The following PDE11A variants were observed in gnomAD, a reference collection of about 807,000 sequenced individuals.
PDE11A encodes the protein phosphodiesterase 11A.
Under a neutral mutation model 100.5 loss-of-function variants are expected in PDE11A, and 100 were observed. The ratio of observed to expected loss-of-function variants is 1.00; its 90% CI spans 0.85 to 1.18. PDE11A has a LOEUF of 1.18. PDE11A is among the 50% of genes most tolerant of loss of function. PDE11A has a pLI of 0.00. For missense variants in PDE11A, 1,141 were observed against 1,152.6 expected (o/e 0.99, Z 0.15); for synonymous variants, 381 against 420.8 (o/e 0.91, Z 1.16).
chr2:177,766,265 G>T (rs2082237379), intron 10 of PDE11A, among the ~76,000 whole-genome samples: 1 of 152,236 alleles, frequency 6.6e-6, no homozygotes, highest in East Asian at 1.9e-4. Flanking sequence ...TTCACAATAG[G>T]GTTTGCACTC....
At chr2:177,869,178 C>T (rs1016281607) in intron 5 of PDE11A, among the ~76,000 whole-genome samples, 2 of 152,232 alleles carry the variant, frequency 1.3e-5, no homozygotes. Flanking sequence ...TAACAAATTA[C>T]TATACATATA....
At chr2:177,661,069 G>A (rs1469255423) in intron 19 of PDE11A, among the ~76,000 whole-genome samples, 3 of 152,176 alleles carry the variant, frequency 2.0e-5, no homozygotes, top group African/African-American at 4.8e-5. Context: ...CTCTCTCTAT[G>A]AGAGTGCTTG....
intron 10 of PDE11A, among the ~76,000 whole-genome samples, chr2:177,743,273 T>C (rs923324038): frequency 5.6e-4 from 86 of 152,342 alleles, no homozygotes; most frequent in African/African-American, 2.0e-3. Context: ...CACTAATTGT[T>C]AGCACCACAC....
At chr2:177,967,841 T>C (rs1179414850) in intron 2 of PDE11A, among the ~76,000 whole-genome samples, 1 of 152,204 alleles carries the variant, frequency 6.6e-6, no homozygotes, top group African/African-American at 2.4e-5. Context: ...TTGTGGAAGC[T>C]AGGTACTGTT....
Position 177,725,667 on chromosome 2 carries a change from G to A in PDE11A, c.2043+1991C>T, listed in dbSNP as rs144445024. Among the ~76,000 whole-genome samples, 182 of 152,242 alleles carry A rather than the reference G, an allele frequency of 1.2e-3. 1 individual carries two copies. Among genetic ancestry groups the A allele is most frequent in the African/African-American group, 4.2e-3 (173 of 41,556 alleles). On this transcript the variant is annotated intron_variant, in intron 12 of 19. Transcript: ENST00000286063. ...ACGATATGAGCATCCCCATTGTGGT[G>A]ACATAGTTTAAGAATTCTATTCTCT...
chr2:177,686,403 G>GA (rs1251570549), intron 15 of PDE11A, among the ~76,000 whole-genome samples: 4 of 152,014 alleles, frequency 2.6e-5, no homozygotes, highest in African/African-American at 4.8e-5. Context: ...TCCGTCTCTA[G>GA]AAAAAATACA....
chr2:177,969,964 C>T (rs1431869972), intron 2 of PDE11A, among the ~76,000 whole-genome samples: 1 of 151,980 alleles, frequency 6.6e-6, no homozygotes, highest in African/African-American at 2.4e-5. Context: ...TAATTCTATC[C>T]AAGAAACATT....
chr2:177,748,382 T>A (rs2081982582), intron 10 of PDE11A, among the ~76,000 whole-genome samples: 1 of 152,212 alleles, frequency 6.6e-6, no homozygotes, highest in South Asian at 2.1e-4. Flanking sequence ...TAAATTTATC[T>A]TCTGAAAATG....
At chr2:177,872,103 C>T (rs1258327005) in intron 5 of PDE11A, among the ~76,000 whole-genome samples, 1 of 152,160 alleles carries the variant, frequency 6.6e-6, no homozygotes, top group African/African-American at 2.4e-5. Context: ...TCCTTGAGGA[C>T]AGAGACTGCT....
intron 5 of PDE11A, among the ~76,000 whole-genome samples, chr2:177,857,033 GA>G (rs1017516460): frequency 6.6e-5 from 10 of 151,772 alleles, no homozygotes; most frequent in African/African-American, 1.7e-4. Flanking sequence ...ACAATGACAA[GA>G]AAAAATCTTG....
At chr2:177,649,194 CAG>C (rs2080270845) in intron 19 of PDE11A, among the ~76,000 whole-genome samples, 1 of 152,078 alleles carries the variant, frequency 6.6e-6, no homozygotes, top group Admixed American at 6.5e-5. Context: ...TCAAACTCCA[CAG>C]AGAGAAATTT....
chr2:177,812,112 C>G (rs906713826), intron 9 of PDE11A, among the ~76,000 whole-genome samples: 5 of 152,198 alleles, frequency 3.3e-5, no homozygotes, highest in Non-Finnish European at 5.9e-5. Flanking sequence ...AACACTCTTT[C>G]TAAACACTTT....
intron 2 of PDE11A, among the ~76,000 whole-genome samples, chr2:178,084,440 T>C (rs1175831951): frequency 6.6e-6 from 1 of 152,188 alleles, no homozygotes; most frequent in Non-Finnish European, 1.5e-5. Flanking sequence ...CCATAGTCAA[T>C]CTAAACTTGG....
At position 177,751,778 on chromosome 2, in the gene PDE11A, CTTAT is replaced by C. The variant is rs1405937723; in HGVS notation, c.1788+17541_1788+17544del. 2.6e-5 allele frequency among the ~76,000 whole-genome samples: 4 copies of C among 152,168 alleles called. 1 individual carries two copies. Among genetic ancestry groups the C allele is most frequent in the Non-Finnish European group, 5.9e-5 (4 of 68,036 alleles). On this transcript the variant is annotated intron_variant, in intron 10 of 19. Transcript: ENST00000286063. ...AATATTCTAAACAAATGAGATTCAT[CTTAT>C]TTAAGAGTACAGGAGAAACAGGCAT... is the stretch of plus-strand genomic sequence containing the variant.
intron 9 of PDE11A, among the ~76,000 whole-genome samples, chr2:177,811,386 A>G (rs2082947178): frequency 6.6e-6 from 1 of 151,912 alleles, no homozygotes; most frequent in Non-Finnish European, 1.5e-5. Context: ...TTAAAGTATT[A>G]ATTTTATATA....
intron 1 of PDE11A, among the ~76,000 whole-genome samples, chr2:178,028,626 T>C (rs957606540): frequency 6.6e-6 from 1 of 152,212 alleles, no homozygotes; most frequent in Non-Finnish European, 1.5e-5. Flanking sequence ...AGAACTGTTC[T>C]CTTGTCTGCT....
At chr2:177,850,074 C>G (rs1044853172) in intron 5 of PDE11A, among the ~76,000 whole-genome samples, 1 of 152,140 alleles carries the variant, frequency 6.6e-6, no homozygotes, top group Non-Finnish European at 1.5e-5. Context: ...CCCACATTGC[C>G]AAGTCAATCC....
At chr2:177,885,522 T>A (rs760920672) in intron 4 of PDE11A, among the ~76,000 whole-genome samples, 6 of 152,152 alleles carry the variant, frequency 3.9e-5, no homozygotes, top group Non-Finnish European at 5.9e-5. Context: ...GATTTTTTTT[T>A]AAATACTCTC....
chr2:177,737,092 T>A (rs2081796092), intron 10 of PDE11A, among the ~76,000 whole-genome samples: 1 of 150,592 alleles, frequency 6.6e-6, no homozygotes, highest in East Asian at 2.0e-4. Flanking sequence ...ATACAAAAAT[T>A]AGCTGGGCAT....
Sources: gnomAD v4.1 joint callset for allele counts (sites outside exome capture counted in the v4.1 genomes callset) on GRCh38, gnomAD v4.1.1 for gene constraint, MANE v1.5 for transcripts, NCBI Gene and HGNC (gene_info 2026-07-23, HGNC 2026-07-21) for gene names.